ZFYVE28: variants seen among roughly 807,000 people sequenced by gnomAD.
ZFYVE28 encodes zinc finger FYVE-type containing 28, also known as lateral signaling target protein 2 homolog.
A neutral mutation model predicts 82.1 loss-of-function variants in ZFYVE28; 40 were observed. The ratio of observed to expected loss-of-function variants is 0.49; its 90% CI spans 0.38 to 0.63. ZFYVE28 has a LOEUF of 0.63. ZFYVE28 is among the 30% of genes least tolerant of loss of function. ZFYVE28 has a pLI of 0.00. For missense variants in ZFYVE28, 1,321 were observed against 1,242.1 expected (o/e 1.06, Z -0.96); for synonymous variants, 612 against 546.1 (o/e 1.12, Z -1.68).
intron 8 of ZFYVE28, among the ~76,000 whole-genome samples, chr4:2,277,267 T>C (rs1736552736): frequency 6.6e-6 from 1 of 152,134 alleles, no homozygotes; most frequent in Non-Finnish European, 1.5e-5. Flanking sequence ...ACTGCCTGAG[T>C]TCAGGAGTTC....
chr4:2,282,468 G>T (rs1329130257), intron 8 of ZFYVE28, among the ~76,000 whole-genome samples: 1 of 152,212 alleles, frequency 6.6e-6, no homozygotes, highest in African/African-American at 2.4e-5. Flanking sequence ...GGTGGGAAAA[G>T]TGGTGAGGGG....
At position 2,372,801 on chromosome 4, in the gene ZFYVE28, C is replaced by A. The variant is rs1363993027; in HGVS notation, c.40-18728G>T. 6.6e-6 allele frequency among the ~76,000 whole-genome samples: 1 copy of A among 152,110 alleles called. No homozygotes were observed. Among genetic ancestry groups the A allele is most frequent in the African/African-American group, 2.4e-5 (1 of 41,406 alleles). ...CTCCCTGGACCAAGGATGCTGCACA[C>A]CCCTAAGACCTAGCCTCCCCGAGGC... On this transcript the variant is annotated intron_variant, in intron 1 of 12. Transcript: ENST00000290974. This position sits in a 1 kb window ranked among gnomAD's most constrained non-coding sequence, Gnocchi z 5.2.
chr4:2,291,455 G>C (rs1436699887), intron 8 of ZFYVE28, among the ~76,000 whole-genome samples: 4 of 152,286 alleles, frequency 2.6e-5, no homozygotes, highest in Non-Finnish European at 4.4e-5. Flanking sequence ...AGGGGCCAAT[G>C]CTTACCAAGC....
chr4:2,413,322 C>T (rs1416445223), intron 1 of ZFYVE28, among the ~76,000 whole-genome samples: 4 of 152,244 alleles, frequency 2.6e-5, no homozygotes, highest in Non-Finnish European at 5.9e-5. Flanking sequence ...TCCCGCTGAC[C>T]ACAGCCTGAG....
rs1732137976 is a variant in ZFYVE28, at chr4:2,408,289, C to G, written c.39+9996G>C. 6.6e-6 allele frequency among the ~76,000 whole-genome samples: 1 copy of G among 152,172 alleles called. No homozygotes were observed. Among genetic ancestry groups the G allele is most frequent in the African/African-American group, 2.4e-5 (1 of 41,446 alleles). On this transcript the variant is annotated intron_variant, in intron 1 of 12. Transcript: ENST00000290974. The surrounding 1 kb of genome is among the most constrained non-coding windows in gnomAD (Gnocchi z 4.3). Reference sequence around the variant, plus strand: ...TACCAAGCCAGCATTTCCCTGCATCCCCACACCTGCCCTTTGAGATGTGAC... The same window carrying G: ...TACCAAGCCAGCATTTCCCTGCATCGCCACACCTGCCCTTTGAGATGTGAC...
intron 1 of ZFYVE28, among the ~76,000 whole-genome samples, chr4:2,363,585 G>A (rs116180819): frequency 0.013 from 2,029 of 152,286 alleles, 20 homozygotes; most frequent in Middle Eastern, 0.034. Flanking sequence ...CAGCCTTCCC[G>A]ACACTGGGGA....
intron 1 of ZFYVE28, among the ~76,000 whole-genome samples, chr4:2,361,222 C>T (rs371710689): frequency 2.6e-5 from 4 of 152,206 alleles, no homozygotes; most frequent in East Asian, 3.9e-4. Flanking sequence ...GACTACTGAA[C>T]GGACATCCTC....
chr4:2,346,291 G>A (rs560142109), intron 2 of ZFYVE28, among the ~76,000 whole-genome samples: 7 of 148,748 alleles, frequency 4.7e-5, no homozygotes, highest in Admixed American at 2.0e-4. Flanking sequence ...GCAGTGAGCC[G>A]AGATCGCGCC....
At chr4:2,387,884 C>T (rs1729438179) in intron 1 of ZFYVE28, among the ~76,000 whole-genome samples, 1 of 152,220 alleles carries the variant, frequency 6.6e-6, no homozygotes. Context: ...TGGCCAAAGA[C>T]TGTCGGACAG....
At chr4:2,291,766 C>A (rs1713743480) in intron 8 of ZFYVE28, among the ~76,000 whole-genome samples, 1 of 152,230 alleles carries the variant, frequency 6.6e-6, no homozygotes, top group Non-Finnish European at 1.5e-5. Context: ...CCATCCCACT[C>A]CCCACACGCC....
chr4:2,344,978 G>A (rs1459215720), intron 2 of ZFYVE28, among the ~76,000 whole-genome samples: 2 of 152,076 alleles, frequency 1.3e-5, no homozygotes, highest in Non-Finnish European at 2.9e-5. Context: ...TGGGGAAGCC[G>A]AGGTGGGTAG....
At chr4:2,317,661 C>G (rs1050979876) in intron 7 of ZFYVE28, among the ~76,000 whole-genome samples, 12 of 152,058 alleles carry the variant, frequency 7.9e-5, no homozygotes, top group African/African-American at 2.9e-4. Flanking sequence ...GAGACAGAGT[C>G]TTGCTCTGTC....
intron 6 of ZFYVE28, among the ~76,000 whole-genome samples, chr4:2,334,270 C>T (rs550984842): frequency 9.9e-5 from 15 of 152,100 alleles, no homozygotes; most frequent in Non-Finnish European, 1.3e-4. Context: ...GGAGCCCTCC[C>T]GGAGGAGGTG....
At chr4:2,366,405 T>G (rs918037630) in intron 1 of ZFYVE28, among the ~76,000 whole-genome samples, 24 of 152,136 alleles carry the variant, frequency 1.6e-4, no homozygotes, top group Non-Finnish European at 2.9e-4. Context: ...CTGGGAAGCT[T>G]TAGATTGGGG....
At chr4:2,329,021 TGTA>T (rs1720286949) in intron 6 of ZFYVE28, 1 of 672,348 alleles carries the variant, frequency 1.5e-6, no homozygotes. Context: ...GGTTTTGACT[TGTA>T]GTAAGTTTTG....
At chr4:2,415,387 C>G (rs1292378010) in intron 1 of ZFYVE28, among the ~76,000 whole-genome samples, 1 of 151,528 alleles carries the variant, frequency 6.6e-6, no homozygotes, top group African/African-American at 2.4e-5. Context: ...GAGGCTGAGG[C>G]AGGAGGATTG....
At chr4:2,308,683 G>GAGAAAGAAAGAAAGA in intron 7 of ZFYVE28, among the ~76,000 whole-genome samples, 1 of 81,510 alleles carries the variant, frequency 1.2e-5, no homozygotes, top group South Asian at 4.7e-4. Context: ...GAAAGAGAAA[G>GAGAAAGAAAGAAAGA]AAAGAAAAGA....
At chr4:2,298,090 G>C (rs1349903587) in intron 8 of ZFYVE28, among the ~76,000 whole-genome samples, 2 of 137,658 alleles carry the variant, frequency 1.5e-5, no homozygotes, top group South Asian at 4.8e-4. Flanking sequence ...GAGGACGAGT[G>C]GTGACAGTGG....
intron 1 of ZFYVE28, among the ~76,000 whole-genome samples, chr4:2,395,321 C>A (rs1730321807): frequency 6.6e-6 from 1 of 152,252 alleles, no homozygotes; most frequent in African/African-American, 2.4e-5. Context: ...TTCATAATCC[C>A]TAACATACTT....
Sources: allele counts gnomAD v4.1 joint callset (sites outside exome capture counted in the v4.1 genomes callset), GRCh38; gene constraint gnomAD v4.1.1; non-coding constraint Gnocchi (gnomAD v3.1); transcripts MANE v1.5; gene names NCBI Gene and HGNC (gene_info 2026-07-23, HGNC 2026-07-21).